Variants in ADAMTS6 observed in about 807,000 individuals in gnomAD.
ADAMTS6 encodes the protein ADAM metallopeptidase with thrombospondin type 1 motif 6, also known as A disintegrin and metalloproteinase with thrombospondin motifs 6.
Under a neutral mutation model 144.3 loss-of-function variants are expected in ADAMTS6, and 23 were observed. That is an observed-to-expected ratio of 0.16 (90% CI 0.11 to 0.23). The LOEUF is 0.23. Among genes scored for constraint, ADAMTS6 ranks in the 10% least tolerant of loss-of-function variants. The probability of loss-of-function intolerance (pLI) is 1.00; values close to 1 mark genes in which losing one functional copy is unlikely to be tolerated. For missense variants in ADAMTS6, 999 were observed against 1,379.6 expected (o/e 0.72, Z 4.37); for synonymous variants, 444 against 457.5 (o/e 0.97, Z 0.38).
intron 22 of ADAMTS6, among the ~76,000 whole-genome samples, chr5:65,183,901 G>A (rs1342565377): frequency 6.6e-6 from 1 of 151,984 alleles, no homozygotes; most frequent in Non-Finnish European, 1.5e-5. Flanking sequence ...TTAGATCAAA[G>A]AATAGTTATA....
intron 10 of ADAMTS6, among the ~76,000 whole-genome samples, chr5:65,296,598 A>G (rs1742860600): frequency 6.6e-6 from 1 of 152,188 alleles, no homozygotes. Flanking sequence ...TTTTTTATAT[A>G]ATAGTCTGAT....
At chr5:65,272,630 T>C (rs1203174193) in intron 12 of ADAMTS6, among the ~76,000 whole-genome samples, 1 of 152,140 alleles carries the variant, frequency 6.6e-6, no homozygotes. Flanking sequence ...AATCTAAAAG[T>C]GACTTTAGAT....
chr5:65,263,293 A>G (rs545677467), intron 12 of ADAMTS6, among the ~76,000 whole-genome samples: 3 of 151,810 alleles, frequency 2.0e-5, no homozygotes, highest in South Asian at 2.1e-4. Flanking sequence ...TCTTTTTTAG[A>G]TATTTTAGTA....
rs113069617 is a variant in ADAMTS6, at chr5:65,238,045, C to T, written c.1933+4059G>A. On this transcript the variant is annotated intron_variant, in intron 15 of 24. Coordinates refer to ENST00000381055, the MANE Select transcript of ADAMTS6 (RefSeq NM_197941.4). ...AGGCTGCAGTGTGCTGTGATCACAC[C>T]ACTGCACTCCAGCCTTGGCAACAGA... 1.5e-3 allele frequency among the ~76,000 whole-genome samples: 227 copies of T among 151,376 alleles called. 3 individuals are homozygous for T. Among genetic ancestry groups the T allele is most frequent in the African/African-American group, 4.5e-3 (184 of 41,216 alleles).
chr5:65,226,862 C>A (rs1395348689), intron 15 of ADAMTS6, among the ~76,000 whole-genome samples: 1 of 152,032 alleles, frequency 6.6e-6, no homozygotes, highest in Non-Finnish European at 1.5e-5. Context: ...GGATTACAGG[C>A]GTGAGCCACC....
intron 22 of ADAMTS6, among the ~76,000 whole-genome samples, chr5:65,182,942 C>T (rs1477451885): frequency 1.3e-5 from 2 of 152,174 alleles, no homozygotes. Context: ...AGTGAATACA[C>T]TACACCTGAA....
At chr5:65,370,224 A>C (rs985239809) in intron 7 of ADAMTS6, among the ~76,000 whole-genome samples, 1 of 152,312 alleles carries the variant, frequency 6.6e-6, no homozygotes, top group East Asian at 1.9e-4. Context: ...CCTGGCCAAC[A>C]TGGTGAAATC....
At chr5:65,192,954 C>T (rs1755107584) in intron 21 of ADAMTS6, among the ~76,000 whole-genome samples, 1 of 151,852 alleles carries the variant, frequency 6.6e-6, no homozygotes, top group Non-Finnish European at 1.5e-5. Context: ...CTCAATATAA[C>T]TAAAGACATT....
rs536596364 is a variant in ADAMTS6 at position 65,440,525 on chromosome 5, A to G, written c.1073+10950T>C. Among the ~76,000 whole-genome samples, 105 of 152,328 alleles carry G rather than the reference A, an allele frequency of 6.9e-4. 1 individual carries two copies. Among genetic ancestry groups the G allele is most frequent in the South Asian group, 2.3e-3 (11 of 4,832 alleles). On this transcript the variant is annotated intron_variant, in intron 7 of 24. Coordinates refer to ENST00000381055, the MANE Select transcript of ADAMTS6 (RefSeq NM_197941.4). ...CAGGAGACAAAGACAGTTAAAATTTACAGGACTAAGTACAGCAGCAGAGGC... is the reference window on the plus strand; with the variant it reads ...CAGGAGACAAAGACAGTTAAAATTTGCAGGACTAAGTACAGCAGCAGAGGC...
At chr5:65,322,691 G>T (rs933129246) in intron 9 of ADAMTS6, among the ~76,000 whole-genome samples, 1 of 150,512 alleles carries the variant, frequency 6.6e-6, no homozygotes, top group Non-Finnish European at 1.5e-5. Flanking sequence ...AACTATTGTT[G>T]GTCTATAGGA....
At chr5:65,208,067 T>C (rs1197578009) in intron 20 of ADAMTS6, among the ~76,000 whole-genome samples, 2 of 152,230 alleles carry the variant, frequency 1.3e-5, no homozygotes, top group African/African-American at 4.8e-5. Context: ...TTTCATTCCC[T>C]TCTCTGATGC....
intron 20 of ADAMTS6, 86 bp from the exon 21 acceptor site, chr5:65,197,237 G>T: frequency 7.2e-7 from 1 of 1,388,846 alleles, no homozygotes; most frequent in Non-Finnish European, 9.8e-7. Flanking sequence ...GTGGGGAATT[G>T]ACCTCACTGG....
intron 7 of ADAMTS6, among the ~76,000 whole-genome samples, chr5:65,416,648 A>G (rs1429827481): frequency 6.6e-6 from 1 of 151,814 alleles, no homozygotes; most frequent in Non-Finnish European, 1.5e-5. Flanking sequence ...GGCTGTGGCA[A>G]GAGAATCACT....
intron 7 of ADAMTS6, among the ~76,000 whole-genome samples, chr5:65,445,645 CT>C (rs1419425890): frequency 1.3e-5 from 2 of 152,092 alleles, no homozygotes; most frequent in Non-Finnish European, 2.9e-5. Context: ...CAGAGCCCCC[CT>C]CTTTCACTCT....
chr5:65,337,420 A>C (rs1201196523), intron 7 of ADAMTS6, among the ~76,000 whole-genome samples: 1 of 151,346 alleles, frequency 6.6e-6, no homozygotes, highest in East Asian at 1.9e-4. Context: ...TCATTCTCTT[A>C]TTCCTATTTT....
intron 3 of ADAMTS6, among the ~76,000 whole-genome samples, chr5:65,468,633 G>C (rs16893852): frequency 6.6e-6 from 1 of 152,048 alleles, no homozygotes; most frequent in African/African-American, 2.4e-5. Context: ...GGACCATACA[G>C]TGTCAATAAG....
intron 10 of ADAMTS6, among the ~76,000 whole-genome samples, chr5:65,299,246 C>T (rs1743141330): frequency 6.6e-6 from 1 of 151,960 alleles, no homozygotes. Flanking sequence ...ATGACATAAA[C>T]AGTATGACTT....
intron 4 of ADAMTS6, among the ~76,000 whole-genome samples, chr5:65,459,535 A>C (rs1370804603): frequency 1.3e-5 from 2 of 152,158 alleles, no homozygotes; most frequent in African/African-American, 4.8e-5. Flanking sequence ...ATGTCTTATA[A>C]AACAATTATA....
At chr5:65,289,398 T>A (rs947946432) in intron 11 of ADAMTS6, among the ~76,000 whole-genome samples, 4 of 152,052 alleles carry the variant, frequency 2.6e-5, no homozygotes, top group African/African-American at 9.7e-5. Context: ...CCAGATGTGG[T>A]GGTGAGCGCC....
Sources: gnomAD v4.1 joint callset for allele counts (sites outside exome capture counted in the v4.1 genomes callset) on GRCh38, gnomAD v4.1.1 for gene constraint, MANE v1.5 for transcripts, NCBI Gene and HGNC (gene_info 2026-07-23, HGNC 2026-07-21) for gene names.